Variants in MICAL2 observed in about 807,000 individuals in gnomAD.
The protein encoded by MICAL2 is [F-actin]-monooxygenase MICAL2.
MICAL2 carries 77 observed loss-of-function variants against 127.3 expected under a neutral mutation model. That is an observed-to-expected ratio of 0.60 (90% CI 0.50 to 0.73). The LOEUF (loss-of-function observed/expected upper bound fraction) is 0.73. MICAL2 is among the 30% of genes least tolerant of loss of function. The pLI is 0.00. For missense variants in MICAL2, 1,351 were observed against 1,434.4 expected, an observed-to-expected ratio of 0.94 and a Z score of 0.94; for synonymous variants, 570 against 551.1, an observed-to-expected ratio of 1.03 and a Z score of -0.48.
chr11:12,199,560 T>C (rs926731551), intron 3 of MICAL2, among the ~76,000 whole-genome samples: 3 of 152,192 alleles, frequency 2.0e-5, no homozygotes, highest in African/African-American at 7.2e-5. Context: ...CTCTTATGCA[T>C]TCCTGACTGC....
At chr11:12,330,842 A>AGG (rs1483130535) in intron 32 of MICAL2, among the ~76,000 whole-genome samples, 6 of 148,746 alleles carry the variant, frequency 4.0e-5, no homozygotes, top group African/African-American at 1.5e-4. Flanking sequence ...ACAGAGAGAG[A>AGG]GAGAGACAGA....
intron 2 of MICAL2, among the ~76,000 whole-genome samples, chr11:12,284,810 C>T (rs762839384): frequency 6.6e-5 from 10 of 152,148 alleles, no homozygotes; most frequent in Non-Finnish European, 1.5e-4. Flanking sequence ...TCCATACAGG[C>T]TCCTCCTCAA....
chr11:12,211,444 T>A (rs951805760), intron 6 of MICAL2, among the ~76,000 whole-genome samples: 1 of 152,110 alleles, frequency 6.6e-6, no homozygotes, highest in Non-Finnish European at 1.5e-5. Flanking sequence ...TTTTGACAGA[T>A]GAGTGAGAAT....
At chr11:12,349,117 G>A (rs898784240) in intron 32 of MICAL2, among the ~76,000 whole-genome samples, 4 of 152,144 alleles carry the variant, frequency 2.6e-5, no homozygotes, top group African/African-American at 9.7e-5. Flanking sequence ...CTTTCAGGGT[G>A]AAATATTCGA....
intron 11 of MICAL2, among the ~76,000 whole-genome samples, chr11:12,223,184 C>T (rs1857023840): frequency 6.6e-6 from 1 of 152,162 alleles, no homozygotes; most frequent in Non-Finnish European, 1.5e-5. Context: ...TACATACACA[C>T]AAATTAGCTA....
intron 12 of MICAL2, 54 bp downstream of exon 12, chr11:12,223,555 G>A (rs2134296059): frequency 6.7e-7 from 1 of 1,490,562 alleles, no homozygotes; most frequent in Non-Finnish European, 9.3e-7. Context: ...TTTGAGGGGA[G>A]GAGGACTGCT....
chr11:12,307,478 T>C (rs1449894102), intron 29 of MICAL2, among the ~76,000 whole-genome samples: 1 of 152,202 alleles, frequency 6.6e-6, no homozygotes, highest in Non-Finnish European at 1.5e-5. Context: ...GAGTTATAGT[T>C]AAGATATCTT....
At chr11:12,329,485 G>A (rs1247025879) in intron 32 of MICAL2, among the ~76,000 whole-genome samples, 1 of 152,218 alleles carries the variant, frequency 6.6e-6, no homozygotes, top group East Asian at 1.9e-4. Context: ...ATGGTGGGAA[G>A]TGGGGAGCTG....
chr11:12,148,373 C>T lies in MICAL2; in HGVS notation c.-78+9913C>T, dbSNP rs537336937. ...GAGCCTAACAAGGAAGAGAGGGCTGCATGATGGGTGGGAGCCCGCTGAGCC... is the reference window on the plus strand; with the variant it reads ...GAGCCTAACAAGGAAGAGAGGGCTGTATGATGGGTGGGAGCCCGCTGAGCC... On this transcript the variant is annotated intron_variant, in intron 2 of 27. Coordinates refer to ENST00000683283, the MANE Select transcript of MICAL2 (RefSeq NM_001282663.2). Among the ~76,000 whole-genome samples, 3 of 152,178 alleles carry T rather than the reference C, an allele frequency of 2.0e-5. No individual in the cohort carries two copies. In the East Asian group the frequency reaches 5.8e-4, roughly 29 times the overall value.
chr11:12,116,118 A>G (rs913428437), intron 1 of MICAL2, among the ~76,000 whole-genome samples: 1 of 146,072 alleles, frequency 6.8e-6, no homozygotes, highest in African/African-American at 2.5e-5. Flanking sequence ...CTGGGACTAC[A>G]GGCATCCGCC....
chr11:12,319,734 G>C (rs764235794), exon 30 of MICAL2: 10 of 1,613,950 alleles, frequency 6.2e-6, no homozygotes, highest in Middle Eastern at 1.6e-4. Context: ...GGTAACAGAG[G>C]CTTCCTCTTC....
chr11:12,260,967 G>A (rs1253046582), intron 26 of MICAL2: 5 of 985,346 alleles, frequency 5.1e-6, no homozygotes, highest in Admixed American at 6.1e-5. Context: ...CCATGGAGCT[G>A]ATGCAGTGCC....
intron 34 of MICAL2, among the ~76,000 whole-genome samples, chr11:12,355,099 C>T (rs931866859): frequency 1.3e-5 from 2 of 152,212 alleles, no homozygotes; most frequent in Admixed American, 1.3e-4. Flanking sequence ...CCTATGTTCA[C>T]TTATTCATTC....
intron 3 of MICAL2, among the ~76,000 whole-genome samples, chr11:12,173,372 C>T (rs546089440): frequency 1.3e-5 from 2 of 152,330 alleles, no homozygotes; most frequent in South Asian, 4.1e-4. Context: ...TTCAAATCTA[C>T]AAGACTTAAG....
Position 12,162,433 on chromosome 11 carries a change from C to T in MICAL2, c.264+14C>T, listed in dbSNP as rs903386322. 3 of 1,613,170 alleles carry T rather than the reference C, an allele frequency of 1.9e-6. No individual in the cohort carries two copies. Among genetic ancestry groups the T allele is most frequent in the African/African-American group, 1.3e-5 (1 of 74,884 alleles). ...ACGAACACCAAGGTAAGGGGAAACC[C>T]TCCTAGTCTTACCTTTGCAGGGCGT... On this transcript the variant is annotated intron_variant, in intron 3 of 27. Transcript: ENST00000683283.
At chr11:12,272,489 A>T (rs1339972816), upstream of MICAL2, among the ~76,000 whole-genome samples, 1 of 152,220 alleles carries the variant, frequency 6.6e-6, no homozygotes, top group Non-Finnish European at 1.5e-5. Flanking sequence ...CCCCTAGCAC[A>T]GGCCTGGATC....
intron 22 of MICAL2, chr11:12,249,984 G>A (rs1299953300): frequency 6.6e-6 from 1 of 152,328 alleles, no homozygotes; most frequent in East Asian, 1.9e-4. Context: ...GGAACGCTCT[G>A]ATATCTAGGC....
chr11:12,311,707 A>G (rs937558636), intron 29 of MICAL2, among the ~76,000 whole-genome samples: 3 of 152,174 alleles, frequency 2.0e-5, no homozygotes, highest in Non-Finnish European at 4.4e-5. Context: ...TGCCTGGCCA[A>G]ATTTTTCTTT....
chr11:12,248,643 G>A (rs937915468), intron 21 of MICAL2, among the ~76,000 whole-genome samples: 5 of 152,234 alleles, frequency 3.3e-5, no homozygotes, highest in Non-Finnish European at 5.9e-5. Flanking sequence ...TACCCTTGGG[G>A]TGTTTGTTTT....
Sources: gnomAD v4.1 joint callset for allele counts (sites outside exome capture counted in the v4.1 genomes callset) on GRCh38, gnomAD v4.1.1 for gene constraint, MANE v1.5 for transcripts, NCBI Gene and HGNC (gene_info 2026-07-23, HGNC 2026-07-21) for gene names.